The following MYO16 variants were observed in gnomAD, a reference collection of about 807,000 sequenced individuals.
The protein encoded by MYO16 is unconventional myosin-XVI.
A neutral mutation model predicts 205.3 loss-of-function variants in MYO16; 94 were observed. The ratio of observed to expected loss-of-function variants is 0.46; its 90% CI spans 0.39 to 0.54. The LOEUF (loss-of-function observed/expected upper bound fraction) is 0.54, where lower values mean the gene tolerates loss of function less well. MYO16 is among the 20% of genes least tolerant of loss of function. The pLI is 0.00. For missense variants in MYO16, 2,315 were observed against 2,387.5 expected, an observed-to-expected ratio of 0.97 and a Z score of 0.63; for synonymous variants, 988 against 954.0, an observed-to-expected ratio of 1.04 and a Z score of -0.66.
At chr13:109,137,417 A>G (rs1204016457) in intron 31 of MYO16, among the ~76,000 whole-genome samples, 1 of 152,202 alleles carries the variant, frequency 6.6e-6, no homozygotes, top group Non-Finnish European at 1.5e-5. Flanking sequence ...TCTCTTACAA[A>G]TCCTTTAAAT....
At chr13:109,187,649 A>G (rs1464437190) in intron 34 of MYO16, among the ~76,000 whole-genome samples, 2 of 152,128 alleles carry the variant, frequency 1.3e-5, no homozygotes, top group African/African-American at 4.8e-5. Context: ...CTTTCCAAGT[A>G]TTTGGGGTTT....
intron 33 of MYO16, among the ~76,000 whole-genome samples, chr13:109,175,320 A>G (rs1879119053): frequency 6.6e-6 from 1 of 152,204 alleles, no homozygotes; most frequent in African/African-American, 2.4e-5. Context: ...CTAAACCTTC[A>G]ATCAAGGCCA....
intron 13 of MYO16, among the ~76,000 whole-genome samples, chr13:108,887,008 T>A (rs1372528691): frequency 3.3e-5 from 5 of 152,150 alleles, no homozygotes; most frequent in African/African-American, 9.7e-5. Flanking sequence ...TATGATAAAA[T>A]TAGCCATTTG....
chr13:108,751,053 A>G (rs200677511), intron 4 of MYO16, among the ~76,000 whole-genome samples: 7 of 104,630 alleles, frequency 6.7e-5, no homozygotes, highest in East Asian at 4.8e-4. Flanking sequence ...ATATATATAT[A>G]TGTGTGTTCA....
chr13:108,593,509 G>A (rs1160463702), upstream of MYO16, among the ~76,000 whole-genome samples: 2 of 152,198 alleles, frequency 1.3e-5, no homozygotes, highest in African/African-American at 2.4e-5. Flanking sequence ...GTGCTTCAGA[G>A]TATGAAGCCC....
chr13:108,742,915 C>T (rs560934354), intron 4 of MYO16, among the ~76,000 whole-genome samples: 1 of 152,302 alleles, frequency 6.6e-6, no homozygotes, highest in African/African-American at 2.4e-5. Flanking sequence ...CTGAATAGCA[C>T]TGCTCAATTC....
In MYO16 at chr13:108,712,668, G is replaced by A. The variant is rs1037362200; in HGVS notation, c.300G>A (p.Arg100=). Residue 100 remains arginine, a synonymous_variant, in exon 3 of 35, where the codon CGG becomes CGA. Transcript: ENST00000457511. ...CCTCTCTGTTGTTTTCAGTGCTTCG[G>A]CTCCTGAAGGAGGGGGCAGACCCCC... The part of the protein sequence containing the change: ...IIHHNDKEVL[R]LLKEGADPHT... 6.2e-7 allele frequency: 1 copy of A among 1,614,076 alleles called. No individual in the cohort carries two copies. The highest frequency in any genetic ancestry group is 8.5e-7 in the Non-Finnish European group (1 of 1,179,932).
intron 20 of MYO16, among the ~76,000 whole-genome samples, chr13:108,988,032 A>C (rs191960001): frequency 6.6e-6 from 1 of 152,368 alleles, no homozygotes; most frequent in Non-Finnish European, 1.5e-5. Flanking sequence ...GTTAACTATC[A>C]AGAAAGCTCT....
rs1053423864 is a variant in MYO16, at chr13:109,140,171, G to A, written c.4052-93G>A. The A allele has an allele frequency of 3.5e-5, 53 of 1,528,700 alleles. No homozygotes were observed. The highest frequency in any genetic ancestry group is 1.1e-4 in the African/African-American group (8 of 70,628). The allele number at this position is 1,528,700 out of a possible 1,614,324, so 94.7% of individuals were successfully genotyped here. On this transcript the variant is annotated intron_variant, in intron 31 of 34. Coordinates refer to ENST00000457511, the MANE Select transcript of MYO16 (RefSeq NM_001198950.3). The surrounding 1 kb of genome is among the most constrained non-coding windows in gnomAD (Gnocchi z 8.0). ...CGGTCCCTTGGGATTCTCGGGGCACGGGGCCGTGGCTCCCTCCGAGTCGAG... is the reference window on the plus strand; with the variant it reads ...CGGTCCCTTGGGATTCTCGGGGCACAGGGCCGTGGCTCCCTCCGAGTCGAG...
chr13:109,203,549 T>G lies in MYO16; in HGVS notation c.5416-3060T>G, dbSNP rs141808440. On this transcript the variant is annotated intron_variant, in intron 34 of 34. Transcript: ENST00000457511. ...TCGCTGGGCTGTGCTGGAGAACCAG[T>G]CTACCCCTGGTTCTCTCCTAATCCT... Among the ~76,000 whole-genome samples the G allele has an allele frequency of 2.9e-3, 440 of 152,178 alleles. 4 individuals carry two copies. The highest frequency in any genetic ancestry group is 4.9e-3 in the Non-Finnish European group (333 of 68,012).
chr13:108,656,929 G>T (rs1881271735), intron 1 of MYO16, among the ~76,000 whole-genome samples: 1 of 152,108 alleles, frequency 6.6e-6, no homozygotes, highest in Non-Finnish European at 1.5e-5. Flanking sequence ...CCGTTTCCTT[G>T]GTGCTCTATG....
chr13:109,046,856 G>T (rs750826936), intron 23 of MYO16, 60 bp from the exon 24 acceptor site: 5 of 1,381,366 alleles, frequency 3.6e-6, no homozygotes, highest in Non-Finnish European at 5.1e-6. Context: ...TCCTTTAAAG[G>T]AATTTATTTT....
chr13:108,802,323 G>A (rs1886992466), intron 6 of MYO16, among the ~76,000 whole-genome samples: 1 of 152,086 alleles, frequency 6.6e-6, no homozygotes, highest in South Asian at 2.1e-4. Context: ...ATTTCACTTA[G>A]AAGCGAGATC....
At chr13:108,771,763 A>G (rs900696070) in intron 4 of MYO16, among the ~76,000 whole-genome samples, 1 of 150,648 alleles carries the variant, frequency 6.6e-6, no homozygotes, top group African/African-American at 2.4e-5. Context: ...GACTTTTCAG[A>G]CTGGCTTTTT....
intron 4 of MYO16, among the ~76,000 whole-genome samples, chr13:108,775,150 G>A (rs573858247): frequency 2.0e-5 from 3 of 152,248 alleles, no homozygotes; most frequent in East Asian, 1.9e-4. Flanking sequence ...TAACATCAGC[G>A]TGAATGTTTA....
At chr13:108,980,244 T>C (rs1192824220) in intron 20 of MYO16, among the ~76,000 whole-genome samples, 1 of 152,252 alleles carries the variant, frequency 6.6e-6, no homozygotes, top group Non-Finnish European at 1.5e-5. Flanking sequence ...TTTAGCATTT[T>C]GTTTTGCTAG....
At chr13:108,988,648 C>G (rs534142107) in intron 20 of MYO16, among the ~76,000 whole-genome samples, 1 of 152,122 alleles carries the variant, frequency 6.6e-6, no homozygotes, top group African/African-American at 2.4e-5. Flanking sequence ...TGTGTTGATG[C>G]AATTTGCCAT....
chr13:109,107,274 T>C (rs1594091570), intron 28 of MYO16, among the ~76,000 whole-genome samples: 1 of 152,238 alleles, frequency 6.6e-6, no homozygotes, highest in African/African-American at 2.4e-5. Flanking sequence ...CACAATCTTC[T>C]AATGTAATGT....
chr13:108,998,902 C>T (rs1566453268), intron 21 of MYO16, among the ~76,000 whole-genome samples: 3 of 152,260 alleles, frequency 2.0e-5, no homozygotes, highest in Non-Finnish European at 2.9e-5. Context: ...GAGTGGCTTC[C>T]CCAAAGGAGA....
Sources: allele counts gnomAD v4.1 joint callset (sites outside exome capture counted in the v4.1 genomes callset), GRCh38; gene constraint gnomAD v4.1.1; non-coding constraint Gnocchi (gnomAD v3.1); transcripts MANE v1.5; gene names NCBI Gene and HGNC (gene_info 2026-07-23, HGNC 2026-07-21).